The following DNAH8 variants were observed in gnomAD, a reference collection of about 807,000 sequenced individuals.
DNAH8 encodes dynein axonemal heavy chain 8.
DNAH8 carries 382 observed loss-of-function variants against 562.1 expected under a neutral mutation model. That is an observed-to-expected ratio of 0.68 (90% confidence interval 0.63 to 0.74). DNAH8 has a LOEUF of 0.74. Among genes scored for constraint, DNAH8 ranks in the 30% least tolerant of loss-of-function variants. The pLI is 0.00. For synonymous variants in DNAH8, 1,881 were observed against 1,919.4 expected (o/e 0.98, Z 0.52); for missense variants, 5,203 against 5,620.4 (o/e 0.93, Z 2.37).
At chr6:38,875,434 C>T (rs754612373) in intron 52 of DNAH8, among the ~76,000 whole-genome samples, 157 bp from the exon 53 acceptor site, 17 of 152,170 alleles carry the variant, frequency 1.1e-4, no homozygotes, top group Admixed American at 2.0e-4. Flanking sequence ...AGCCTTTCTT[C>T]TACGTGCTGT....
At chr6:38,979,034 C>G (rs944312244) in intron 85 of DNAH8, among the ~76,000 whole-genome samples, 4 of 152,226 alleles carry the variant, frequency 2.6e-5, no homozygotes, top group Non-Finnish European at 5.9e-5. Context: ...CTGCTACTCA[C>G]CAGAACTAGC....
Sources: allele counts gnomAD v4.1 joint callset (sites outside exome capture counted in the v4.1 genomes callset), GRCh38; gene constraint gnomAD v4.1.1; transcripts MANE v1.5; gene names NCBI Gene and HGNC (gene_info 2026-07-23, HGNC 2026-07-21).